The following CMIP variants were observed in gnomAD, a reference collection of about 807,000 sequenced individuals.
The protein encoded by CMIP is C-Maf-inducing protein.
CMIP carries 13 observed loss-of-function variants against 97.3 expected under a neutral mutation model. The ratio of observed to expected loss-of-function variants is 0.13; its 90% CI spans 0.09 to 0.21. The LOEUF (loss-of-function observed/expected upper bound fraction) is 0.21. CMIP is among the 10% of genes least tolerant of loss of function. The pLI, the probability that CMIP is intolerant of heterozygous loss-of-function variation, is 1.00. For synonymous variants in CMIP, 538 were observed against 436.3 expected (o/e 1.23, Z -2.91); for missense variants, 847 against 1,024.9 (o/e 0.83, Z 2.37).
At chr16:81,582,109 A>G (rs1169417726) in intron 1 of CMIP, among the ~76,000 whole-genome samples, 2 of 152,118 alleles carry the variant, frequency 1.3e-5, no homozygotes, top group South Asian at 2.1e-4. Flanking sequence ...AGAACTCACT[A>G]TCACGCCAAC....
chr16:81,573,725 C>T (rs952551335), intron 1 of CMIP, among the ~76,000 whole-genome samples: 5 of 152,166 alleles, frequency 3.3e-5, no homozygotes, highest in African/African-American at 1.2e-4. Context: ...TCAGTCTCCT[C>T]ATCTGTAAAA....
At chr16:81,628,565 C>T (rs1207483179) in intron 3 of CMIP, among the ~76,000 whole-genome samples, 1 of 152,228 alleles carries the variant, frequency 6.6e-6, no homozygotes, top group Non-Finnish European at 1.5e-5. Context: ...CAAGGTCACA[C>T]AGCTGTTCAA....
At chr16:81,527,598 C>T (rs144652313) in intron 1 of CMIP, among the ~76,000 whole-genome samples, 35 of 152,258 alleles carry the variant, frequency 2.3e-4, no homozygotes, top group African/African-American at 7.9e-4. Flanking sequence ...TCCCAGAGAC[C>T]ACCCTTCATC....
intron 1 of CMIP, among the ~76,000 whole-genome samples, chr16:81,536,873 C>T (rs9928591): frequency 0.046 from 6,962 of 152,218 alleles, 197 homozygotes; most frequent in Middle Eastern, 0.085. Context: ...TAACCAGCGC[C>T]CAAATCAAGA....
At chr16:81,466,952 A>G (rs1380016897) in intron 1 of CMIP, among the ~76,000 whole-genome samples, 1 of 152,196 alleles carries the variant, frequency 6.6e-6, no homozygotes, top group African/African-American at 2.4e-5. Context: ...CTTGTGCCTA[A>G]TTTTGGGCCA....
intron 9 of CMIP, among the ~76,000 whole-genome samples, chr16:81,673,166 G>A (rs2092698376): frequency 6.6e-6 from 1 of 152,086 alleles, no homozygotes. Flanking sequence ...CTAGGAAGGT[G>A]GTCCCAGGAA....
intron 1 of CMIP, among the ~76,000 whole-genome samples, chr16:81,549,544 G>T (rs961448178): frequency 4.6e-5 from 7 of 152,146 alleles, no homozygotes; most frequent in African/African-American, 1.7e-4. Flanking sequence ...TGTGTGTTGG[G>T]GGCGGGGGGC....
intron 1 of CMIP, among the ~76,000 whole-genome samples, chr16:81,451,025 T>C (rs1376180973): frequency 6.6e-6 from 1 of 152,222 alleles, no homozygotes; most frequent in Non-Finnish European, 1.5e-5. Flanking sequence ...TGCTGCATAG[T>C]GTTCTGTTGT....
chr16:81,598,968 C>CAAAAAAAAAAAAA (rs141717317), intron 1 of CMIP, among the ~76,000 whole-genome samples: 1 of 49,872 alleles, frequency 2.0e-5, no homozygotes. Context: ...GACTCTGTCT[C>CAAAAAAAAAAAAA]AAAAAAAAAA....
chr16:81,578,273 A>G (rs1597109591), intron 1 of CMIP, among the ~76,000 whole-genome samples: 1 of 152,226 alleles, frequency 6.6e-6, no homozygotes. Flanking sequence ...TTACAGCATC[A>G]CCACTATCAC....
chr16:81,517,200 C>T (rs142464958), intron 1 of CMIP, among the ~76,000 whole-genome samples: 1 of 149,288 alleles, frequency 6.7e-6, no homozygotes, highest in South Asian at 2.1e-4. Context: ...AATCAGACAG[C>T]TTTCAAGGTC....
intron 1 of CMIP, among the ~76,000 whole-genome samples, chr16:81,591,221 G>T (rs907522379): frequency 2.0e-5 from 3 of 146,612 alleles, no homozygotes; most frequent in African/African-American, 7.3e-5. Context: ...TGGTACCCCT[G>T]GCATGGGTCA....
In CMIP at chr16:81,599,840, G is replaced by T. The variant is rs769357946; in HGVS notation, c.301-7727G>T. ...AGCATTGTTGTCAAGTTAAATGAGG[G>T]ATTATATATAAAGCTCTTAGCATGG... On this transcript the variant is annotated intron_variant, in intron 1 of 20. Coordinates refer to ENST00000537098, the MANE Select transcript of CMIP (RefSeq NM_198390.3). Among the ~76,000 whole-genome samples, 19 of 152,280 alleles carry T rather than the reference G, an allele frequency of 1.2e-4. 1 individual carries two copies. The highest frequency in any genetic ancestry group is 1.9e-4 in the East Asian group (1 of 5,188).
At chr16:81,671,259 A>G (rs1597227488) in intron 8 of CMIP, among the ~76,000 whole-genome samples, 1 of 152,222 alleles carries the variant, frequency 6.6e-6, no homozygotes, top group East Asian at 1.9e-4. Flanking sequence ...CTCATGCCAG[A>G]ACCGTGGTGA....
chr16:81,451,540 C>T (rs1400913113), intron 1 of CMIP, among the ~76,000 whole-genome samples: 2 of 152,164 alleles, frequency 1.3e-5, no homozygotes, highest in African/African-American at 4.8e-5. Flanking sequence ...TGTTCTTTTG[C>T]TTAATTCTTT....
chr16:81,605,478 A>G (rs1163029824), intron 1 of CMIP, among the ~76,000 whole-genome samples: 2 of 152,206 alleles, frequency 1.3e-5, no homozygotes, highest in East Asian at 3.8e-4. Flanking sequence ...TCTATGCAGC[A>G]ATCCCTGTGA....
chr16:81,508,274 A>C (rs985928689), intron 1 of CMIP, among the ~76,000 whole-genome samples: 4 of 152,228 alleles, frequency 2.6e-5, no homozygotes, highest in African/African-American at 4.8e-5. Flanking sequence ...TCCTCCCCAG[A>C]GGCCACAGCA....
At chr16:81,507,594 G>C (rs1597486829) in intron 1 of CMIP, among the ~76,000 whole-genome samples, 1 of 152,204 alleles carries the variant, frequency 6.6e-6, no homozygotes, top group Admixed American at 6.5e-5. Flanking sequence ...CCCTTTGTGG[G>C]AACATCCACT....
At position 81,707,424 on chromosome 16, in the gene CMIP, G is replaced by C. The variant is rs537075358; in HGVS notation, c.2268+340G>C. ...AGACAGAAGAGATGGGCGAGGCCTG[G>C]CTTTGCAGCAAATGTAACCAGGAAC... is the stretch of plus-strand genomic sequence containing the variant. On this transcript the variant is annotated intron_variant, in intron 20 of 20. Transcript: ENST00000537098. 2.6e-5 allele frequency among the ~76,000 whole-genome samples: 4 copies of C among 152,348 alleles called. No homozygotes were observed. The East Asian group carries it at 7.7e-4, about 29-fold the overall frequency.
Sources: gnomAD v4.1 joint callset for allele counts (sites outside exome capture counted in the v4.1 genomes callset) on GRCh38, gnomAD v4.1.1 for gene constraint, MANE v1.5 for transcripts, NCBI Gene and HGNC (gene_info 2026-07-23, HGNC 2026-07-21) for gene names.